ZNFX1: variants seen among roughly 807,000 people sequenced by gnomAD.
ZNFX1 encodes zinc finger NFX1-type containing 1, also known as NFX1-type zinc finger-containing protein 1.
In ZNFX1, 78 loss-of-function variants were observed where a neutral mutation model predicts 179.8. The ratio of observed to expected loss-of-function variants is 0.43; its 90% CI spans 0.36 to 0.52. ZNFX1 has a LOEUF of 0.52. Ranked by LOEUF, ZNFX1 falls within the 20% of genes least tolerant of loss-of-function variation. The pLI is 0.00. For missense variants in ZNFX1, 1,927 were observed against 2,386.6 expected, an observed-to-expected ratio of 0.81 and a Z score of 4.01; for synonymous variants, 848 against 868.5, an observed-to-expected ratio of 0.98 and a Z score of 0.42.
intron 3 of ZNFX1, among the ~76,000 whole-genome samples, chr20:49,266,653 A>T (rs1263245387): frequency 1.4e-5 from 2 of 144,936 alleles, no homozygotes; most frequent in Non-Finnish European, 3.0e-5. Flanking sequence ...TACATAGGAG[A>T]ATCCCATCCC....
intron 8 of ZNFX1, among the ~76,000 whole-genome samples, chr20:49,256,526 T>C (rs1267511420): frequency 2.0e-5 from 3 of 152,200 alleles, no homozygotes; most frequent in Non-Finnish European, 4.4e-5. Context: ...AAAGCACTGT[T>C]TATGAGAAAG....
At chr20:49,256,736 C>T (rs1220693456) in intron 8 of ZNFX1, among the ~76,000 whole-genome samples, 4 of 152,210 alleles carry the variant, frequency 2.6e-5, no homozygotes, top group African/African-American at 9.6e-5. Flanking sequence ...TATAGTGATA[C>T]TGAACTGAAC....
intron 2 of ZNFX1, among the ~76,000 whole-genome samples, chr20:49,274,922 A>G (rs1482831603): frequency 1.3e-5 from 2 of 151,448 alleles, no homozygotes; most frequent in East Asian, 3.9e-4. Context: ...GGAGATCAAG[A>G]CCATCCTGGC....
intron 1 of ZNFX1, among the ~76,000 whole-genome samples, chr20:49,276,986 T>C (rs1422895951): frequency 1.3e-5 from 2 of 150,820 alleles, no homozygotes; most frequent in African/African-American, 2.4e-5. Flanking sequence ...CTCCAGAAAA[T>C]TTAAAAGAAA....
rs776308981 is a variant in ZNFX1, at chr20:49,254,593, C to T, written c.2861G>A (p.Arg954His). 2.3e-5 allele frequency: 37 copies of T among 1,614,016 alleles called. No individual in the cohort carries two copies. Among genetic ancestry groups the T allele is most frequent in the Non-Finnish European group, 3.0e-5 (35 of 1,180,024 alleles). The change falls in exon 10 of 14, where the codon CGC becomes CAC. Residue 954 changes from arginine (R) to histidine (H), a missense_variant. By Grantham distance (29) the Arg-to-His change is conservative. Coordinates refer to ENST00000396105, the MANE Select transcript of ZNFX1 (RefSeq NM_021035.3). ...DTRRKILSYE[R>H]QYRTSAERMA... ...TCTTTCTGCTGATGTGCGGTACTGG[C>T]GTTCATAGCTGAGGATCTTCCGGCG... is the stretch of plus-strand genomic sequence containing the variant.
Position 49,248,150 on chromosome 20 carries a change from G to C in ZNFX1, c.4874C>G (p.Pro1625Arg). 1 of 1,614,078 alleles carries C rather than the reference G, an allele frequency of 6.2e-7. No individual in the cohort carries two copies. Among genetic ancestry groups the C allele is most frequent in the African/African-American group, 1.3e-5 (1 of 75,014 alleles). Residue 1625 changes from proline (P) to arginine (R), a missense_variant, in exon 14 of 14, where the codon CCC becomes CGC. Transcript: ENST00000396105. The surrounding 1 kb of genome is among the most constrained non-coding windows in gnomAD (Gnocchi z 4.6). ...TCCATACCTCAGGTTTTTGCGGATG[G>C]GCACCTGGCAGATAGGGCAGACTTT... Reference protein sequence around the residue: ...RLKVCPICQVPIRKNLRYGTS... With the variant: ...RLKVCPICQVRIRKNLRYGTS...
chr20:49,249,197 T>G lies in ZNFX1; in HGVS notation c.3827A>C (p.Lys1276Thr). 6.2e-7 allele frequency: 1 copy of G among 1,614,162 alleles called. No homozygotes were observed. Among genetic ancestry groups the G allele is most frequent in the Non-Finnish European group, 8.5e-7 (1 of 1,180,032 alleles). Residue 1276 changes from lysine (K) to threonine (T), a missense_variant, in exon 14 of 14, where the codon AAA becomes ACA. By Grantham distance (78) the Lys-to-Thr change is moderately conservative. Transcript: ENST00000396105. ...GGGTACTTTTTGGAAGTCAGAAGCT[T>G]TGGATACTAAGGTGTGGGTTTCAGG... ...NHPETHTLVSKASDFQKVPEG... is the reference protein window; with the variant it reads ...NHPETHTLVSTASDFQKVPEG...
rs1980955942 is a variant in ZNFX1 at position 49,255,809 on chromosome 20, T to C, written c.2803A>G (p.Arg935Gly). 6.2e-7 allele frequency: 1 copy of C among 1,612,100 alleles called. No homozygotes were observed. Among genetic ancestry groups the C allele is most frequent in the Non-Finnish European group, 8.5e-7 (1 of 1,178,956 alleles). ...LDLSSRWQLY[R>G]LWLQLYQADT... ...TTGGCTAGATGTGGAACACAGTACC[T>C]ATAAAGCTGCCAGCGAGAACTGAGG... The change falls in exon 9 of 14, where the codon AGG becomes GGG. Residue 935 changes from arginine (R) to glycine (G), a missense_variant and splice_region_variant. Transcript: ENST00000396105.
intron 3 of ZNFX1, among the ~76,000 whole-genome samples, chr20:49,269,712 A>C (rs1981331532): frequency 6.6e-6 from 1 of 152,156 alleles, no homozygotes; most frequent in African/African-American, 2.4e-5. Context: ...AAAACTACCT[A>C]TCAGGTACTA....
Position 49,249,240 on chromosome 20 carries a change from G to A in ZNFX1, c.3784C>T (p.Leu1262Phe). 6.2e-7 allele frequency: 1 copy of A among 1,614,230 alleles called. No individual in the cohort carries two copies. The highest frequency in any genetic ancestry group is 8.5e-7 in the Non-Finnish European group (1 of 1,180,040). Residue 1262 changes from leucine (L) to phenylalanine (F), a missense_variant, in exon 14 of 14, where the codon CTC becomes TTC. Transcript: ENST00000396105. ...GTTTCAGGGTGGTTCTGGCAGCAGA[G>A]CCGGAGCATGGGGCCTATTTGATTG... ...ENNQIGPMLRLCCQNHPETHT... is the reference protein window; with the variant it reads ...ENNQIGPMLRFCCQNHPETHT...
In ZNFX1 at chr20:49,247,786, C is replaced by G. The variant is rs1393924563; in HGVS notation, c.5238G>C (p.Leu1746Phe). The stretch of plus-strand genomic sequence containing the variant: ...CACTTAGTTCCTGGCTAGTGAAGCT[C>G]AAGCGCTTCTTGGCCAGCCACTCAT... ...QVHEWLAKKR[L>F]SFTSQELSDL... Residue 1746 changes from leucine to phenylalanine, a missense_variant, in exon 14 of 14, where the codon TTG becomes TTC. Transcript: ENST00000396105. 2 of 1,614,154 alleles carry G rather than the reference C, an allele frequency of 1.2e-6. No individual in the cohort carries two copies. Among genetic ancestry groups the G allele is most frequent in the East Asian group, 2.2e-5 (1 of 44,886 alleles).
intron 4 of ZNFX1, among the ~76,000 whole-genome samples, chr20:49,265,353 T>G (rs238177): frequency 0.67 from 101,823 of 152,146 alleles, 35,023 homozygotes; most frequent in Non-Finnish European, 0.76. Flanking sequence ...GATATAGCAG[T>G]AGAAACATAG....
intron 2 of ZNFX1, among the ~76,000 whole-genome samples, chr20:49,274,940 GTGAAACCCCGTCTCTAC>G (rs1477425081): frequency 2.0e-5 from 3 of 147,510 alleles, no homozygotes; most frequent in African/African-American, 7.4e-5. Flanking sequence ...GGCTAACACG[GTGAAACCCCGTCTCTAC>G]TGAAAATACA....
chr20:49,277,826 G>A (rs1363730246), intron 1 of ZNFX1, 195 bp downstream of exon 1: 1 of 139,448 alleles, frequency 7.2e-6, no homozygotes, highest in African/African-American at 2.7e-5. Context: ...CTCTGAGTGG[G>A]TGATGGGGGT....
In ZNFX1 at chr20:49,248,936, C is replaced by G; in HGVS notation, c.4088G>C (p.Cys1363Ser). Residue 1363 changes from cysteine to serine, a missense_variant, in exon 14 of 14, where the codon TGT becomes TCT. Coordinates refer to ENST00000396105, the MANE Select transcript of ZNFX1 (RefSeq NM_021035.3). This position sits in a 1 kb window ranked among gnomAD's most constrained non-coding sequence, Gnocchi z 4.6. ...GCAGAAATCTGACTCAGGCACGGAA[C>G]AAGGGACCATTTGTTCATGGCCGCA... ...PRCGHEQMVP[C>S]SVPESDFCCQ... is the part of the protein sequence containing the mutation. 2 of 1,614,238 alleles carry G rather than the reference C, an allele frequency of 1.2e-6. No homozygotes were observed. The highest frequency in any genetic ancestry group is 1.7e-6 in the Non-Finnish European group (2 of 1,180,042).
chr20:49,276,192 C>G (rs944106019), intron 1 of ZNFX1, among the ~76,000 whole-genome samples: 1 of 152,148 alleles, frequency 6.6e-6, no homozygotes, highest in Non-Finnish European at 1.5e-5. Flanking sequence ...TGGTTTATGC[C>G]TTTAGCCAAG....
At position 49,264,794 on chromosome 20, in the gene ZNFX1, C is replaced by G. The variant is rs1424360319; in HGVS notation, c.2073G>C (p.Gln691His). 3 of 1,614,214 alleles carry G rather than the reference C, an allele frequency of 1.9e-6. No homozygotes were observed. Among genetic ancestry groups the G allele is most frequent in the Non-Finnish European group, 2.5e-6 (3 of 1,180,042 alleles). ...GGRSNSEILK[Q>H]FTLRELRNKR... ...TGTTCCTCAGCTCCCTTAGGGTGAA[C>G]TGCTTCAGGATTTCACTGTTGCTCC... The change falls in exon 5 of 14, where the codon CAG becomes CAC. Residue 691 changes from glutamine to histidine, a missense_variant. Gln to His is a conservative substitution (Grantham distance 24). Transcript: ENST00000396105.
chr20:49,272,324 C>T (rs1981432922), intron 2 of ZNFX1, among the ~76,000 whole-genome samples: 2 of 152,054 alleles, frequency 1.3e-5, no homozygotes, highest in African/African-American at 4.8e-5. Flanking sequence ...TTACACACAC[C>T]TGCCACCGCG....
At chr20:49,265,069 G>T (rs897569324) in intron 4 of ZNFX1, among the ~76,000 whole-genome samples, 1 of 152,160 alleles carries the variant, frequency 6.6e-6, no homozygotes, top group Non-Finnish European at 1.5e-5. Flanking sequence ...AAGAGTACAG[G>T]TTCTGGAATC....
Sources: gnomAD v4.1 joint callset for allele counts (sites outside exome capture counted in the v4.1 genomes callset) on GRCh38, gnomAD v4.1.1 for gene constraint, Gnocchi (gnomAD v3.1) non-coding constraint, MANE v1.5 for transcripts, NCBI Gene and HGNC (gene_info 2026-07-23, HGNC 2026-07-21) for gene names.